GPSM2: variants seen among roughly 807,000 people sequenced by gnomAD.
GPSM2 encodes G protein signaling modulator 2, also known as G protein-signaling modulator 2.
A neutral mutation model predicts 78.4 loss-of-function variants in GPSM2; 58 were observed. The ratio of observed to expected loss-of-function variants is 0.74; its 90% CI spans 0.60 to 0.92. The LOEUF (loss-of-function observed/expected upper bound fraction) is 0.92. Among genes scored for constraint, GPSM2 ranks in the 40% least tolerant of loss-of-function variants. The pLI is 0.00. For synonymous variants in GPSM2, 224 were observed against 280.2 expected (o/e 0.80, Z 2.00); for missense variants, 700 against 815.5 (o/e 0.86, Z 1.73).
chr1:108,918,614 T>C lies in GPSM2; in HGVS notation c.1265T>C (p.Val422Ala), dbSNP rs571651862. The C allele has an allele frequency of 1.2e-5, 20 of 1,610,974 alleles. No individual in the cohort carries two copies. In the South Asian group the frequency reaches 2.1e-4, roughly 17 times the overall value. ...TGCCTTCCATTTATAATTTTGTAGG[T>C]ACAGAACTGGAACAGTGAAATTCTT... ...MELMKLTPEK[V>A]QNWNSEILAK... The change falls in exon 12 of 15, where the codon GTA (valine) becomes GCA (alanine). Residue 422 changes from valine to alanine, a missense_variant and splice_region_variant. Physicochemically the swap from Val to Ala is moderately conservative, Grantham distance 64 (BLOSUM62 0). Transcript: ENST00000264126.
At chr1:108,925,067 G>A (rs1237343760) in intron 14 of GPSM2, among the ~76,000 whole-genome samples, 2 of 152,188 alleles carry the variant, frequency 1.3e-5, no homozygotes, top group Non-Finnish European at 2.9e-5. Flanking sequence ...ATATATTATG[G>A]TTAGTTGGCA....
chr1:108,878,356 CTTA>C (rs1665733719), intron 1 of GPSM2, among the ~76,000 whole-genome samples: 1 of 149,682 alleles, frequency 6.7e-6, no homozygotes, highest in South Asian at 2.3e-4. Flanking sequence ...CAGGCTATTA[CTTA>C]TAATTTAAGT....
intron 2 of GPSM2, among the ~76,000 whole-genome samples, chr1:108,888,093 A>T (rs937159806): frequency 2.0e-5 from 3 of 152,232 alleles, no homozygotes; most frequent in African/African-American, 7.2e-5. Flanking sequence ...TCTGTCACCC[A>T]GGCTGGAGTG....
intron 10 of GPSM2, among the ~76,000 whole-genome samples, chr1:108,904,798 T>A (rs1236588227): frequency 6.6e-6 from 1 of 152,102 alleles, no homozygotes; most frequent in African/African-American, 2.4e-5. Context: ...GACACCTTCC[T>A]TAGGTGCCGA....
intron 2 of GPSM2, among the ~76,000 whole-genome samples, chr1:108,887,012 G>T (rs980377224): frequency 1.3e-5 from 2 of 151,802 alleles, no homozygotes; most frequent in South Asian, 4.1e-4. Context: ...TCAGCTTCCC[G>T]AGTAGCTGGG....
rs772011195 is a variant in GPSM2, at chr1:108,929,715, T to C, written c.1830T>C (p.Asp610=). ...TAAACTTCTAGGGATCCAGATTAGA[T>C]GATCAAAGATGTGCTCCACCACCTG... ...ILVKCQGSRL[D]DQRCAPPPAT... The change falls in exon 15 of 15, where the codon GAT becomes GAC. Residue 610 remains aspartate (D), a synonymous_variant. Transcript: ENST00000264126. 1.2e-6 allele frequency: 2 copies of C among 1,613,130 alleles called. No individual in the cohort carries two copies. Among genetic ancestry groups the C allele is most frequent in the African/African-American group, 2.7e-5 (2 of 74,916 alleles).
At chr1:108,906,938 ACC>A (rs1649280897) in intron 10 of GPSM2, among the ~76,000 whole-genome samples, 1 of 152,130 alleles carries the variant, frequency 6.6e-6, no homozygotes, top group Admixed American at 6.5e-5. Context: ...ACAGGCATGA[ACC>A]ATCATGCCTG....
intron 2 of GPSM2, among the ~76,000 whole-genome samples, chr1:108,886,718 G>T (rs1442587026): frequency 3.3e-5 from 5 of 152,250 alleles, no homozygotes; most frequent in East Asian, 3.9e-4. Context: ...GCTTCCCACT[G>T]ATCTAGATCA....
chr1:108,877,136 G>A lies in GPSM2; in HGVS notation c.-341G>A, dbSNP rs972653041. On this transcript the variant is annotated 5_prime_UTR_variant, in exon 1 of 15. Transcript: ENST00000264126. ...CGCGCCGGCCTCCTGCGGTGCCCCT[G>A]CCTTGGGGAGGGGCCGTGACCACCC... is the stretch of plus-strand genomic sequence containing the variant. 1.3e-5 allele frequency: 2 copies of A among 152,222 alleles called. No individual in the cohort carries two copies. The highest frequency in any genetic ancestry group is 2.9e-5 in the Non-Finnish European group (2 of 68,050). The allele number at this position is 152,222 out of a possible 1,614,324, so 9.4% of individuals were successfully genotyped here.
chr1:108,934,365 T>C lies in GPSM2; in HGVS notation c.*4425T>C. ...AAATTTCTTTTTCAATGTCCCCAAT[T>C]CAAACTGGCCTCCTTAACTATCCAG... is the stretch of plus-strand genomic sequence containing the variant. On this transcript the variant is annotated 3_prime_UTR_variant, in exon 15 of 15. Transcript: ENST00000264126. The C allele has an allele frequency of 3.1e-6, 1 of 317,472 alleles. No homozygotes were observed. 19.7% of individuals were successfully genotyped at this position (317,472 alleles called of 1,614,324 possible).
At chr1:108,887,391 A>C (rs1014523539) in intron 2 of GPSM2, among the ~76,000 whole-genome samples, 1 of 152,150 alleles carries the variant, frequency 6.6e-6, no homozygotes, top group Non-Finnish European at 1.5e-5. Context: ...CGTAACATAC[A>C]CTTACCCTGG....
chr1:108,881,272 A>G (rs560483496), intron 1 of GPSM2, among the ~76,000 whole-genome samples: 40 of 152,356 alleles, frequency 2.6e-4, no homozygotes, highest in African/African-American at 9.1e-4. Context: ...ATTAAGAGAC[A>G]GATTTGTTCC....
At chr1:108,922,598 C>T (rs757635696) in intron 13 of GPSM2, 22 bp downstream of exon 13, 32 of 1,580,056 alleles carry the variant, frequency 2.0e-5, no homozygotes, top group Non-Finnish European at 2.8e-5. Context: ...CTGTTTCTCC[C>T]CCGATTTTAA....
intron 2 of GPSM2, among the ~76,000 whole-genome samples, chr1:108,894,046 GA>G (rs903294567): frequency 1.1e-4 from 16 of 148,172 alleles, no homozygotes; most frequent in Admixed American, 4.0e-4. Context: ...TCCATCTCAA[GA>G]AAAAAAAAAT....
rs550940291 is a variant in GPSM2, at chr1:108,878,399, G to T, written c.-249+1171G>T. 2.9e-4 allele frequency among the ~76,000 whole-genome samples: 44 copies of T among 152,198 alleles called. No homozygotes were observed. The South Asian group carries it at 3.5e-3, about 12-fold the overall frequency. On this transcript the variant is annotated intron_variant, in intron 1 of 14. Coordinates refer to ENST00000264126, the MANE Select transcript of GPSM2 (RefSeq NM_013296.5). ...GAGCGGTTTCAAAGTAAAAAGTTGT[G>T]TGATGTTGTTGTAGAGGCATGTCTC...
At chr1:108,908,499 C>G (rs1014792396) in intron 10 of GPSM2, among the ~76,000 whole-genome samples, 14 of 151,468 alleles carry the variant, frequency 9.2e-5, no homozygotes, top group African/African-American at 3.4e-4. Context: ...TTGGCTAACA[C>G]GGTGAAACCG....
intron 14 of GPSM2, among the ~76,000 whole-genome samples, chr1:108,928,601 C>T (rs1343102033): frequency 6.6e-6 from 1 of 152,198 alleles, no homozygotes; most frequent in Non-Finnish European, 1.5e-5. Context: ...TATTCTTACT[C>T]TTGAGCTACA....
intron 2 of GPSM2, among the ~76,000 whole-genome samples, chr1:108,889,286 G>A (rs1322841006): frequency 6.6e-6 from 1 of 152,292 alleles, no homozygotes; most frequent in South Asian, 2.1e-4. Flanking sequence ...ACTGGAACGG[G>A]ACCTCACATT....
intron 7 of GPSM2, among the ~76,000 whole-genome samples, chr1:108,900,614 G>A (rs1312804380): frequency 6.6e-6 from 1 of 152,120 alleles, no homozygotes; most frequent in Admixed American, 6.5e-5. Flanking sequence ...GCAGTAGTTT[G>A]GTAAACCTAT....
Sources: allele counts gnomAD v4.1 joint callset (sites outside exome capture counted in the v4.1 genomes callset), GRCh38; gene constraint gnomAD v4.1.1; transcripts MANE v1.5; gene names NCBI Gene and HGNC (gene_info 2026-07-23, HGNC 2026-07-21).